LRRK2: variants seen among roughly 807,000 people sequenced by gnomAD.
LRRK2 encodes the protein leucine-rich repeat serine/threonine-protein kinase 2.
In LRRK2, 203 loss-of-function variants were observed where a neutral mutation model predicts 302.6. That is an observed-to-expected ratio of 0.67 (90% confidence interval 0.60 to 0.75). The LOEUF (loss-of-function observed/expected upper bound fraction) is 0.75. Ranked by LOEUF, LRRK2 falls within the 30% of genes least tolerant of loss-of-function variation. The probability of loss-of-function intolerance (pLI) is 0.00; values close to 1 mark genes in which losing one functional copy is unlikely to be tolerated. For missense variants in LRRK2, 2,830 were observed against 2,951.0 expected (o/e 0.96, Z 0.95); for synonymous variants, 1,066 against 1,031.9 (o/e 1.03, Z -0.63).
chr12:40,277,097 T>A (rs1368964427), intron 16 of LRRK2, among the ~76,000 whole-genome samples: 1 of 152,176 alleles, frequency 6.6e-6, no homozygotes, highest in Non-Finnish European at 1.5e-5. Context: ...AGTGCTGAGA[T>A]TACAGGTGTG....
In LRRK2 at chr12:40,295,033, A is replaced by G. The variant is rs1313601216; in HGVS notation, c.2878+119A>G. ...GCCAGTTTCATCTTACATAATCTTC[A>G]TATATATTTACCTAATGATTCCTTC... On this transcript the variant is annotated intron_variant, in intron 22 of 50. Coordinates refer to ENST00000298910, the MANE Select transcript of LRRK2 (RefSeq NM_198578.4). 6 of 660,282 alleles carry G rather than the reference A, an allele frequency of 9.1e-6. No individual in the cohort carries two copies. In the East Asian group the frequency reaches 1.3e-4, roughly 15 times the overall value. 40.9% of individuals were successfully genotyped at this position (660,282 alleles called of 1,614,324 possible).
At chr12:40,353,216 AC>A (rs1946417708) in intron 44 of LRRK2, among the ~76,000 whole-genome samples, 1 of 137,202 alleles carries the variant, frequency 7.3e-6, no homozygotes, top group Non-Finnish European at 1.6e-5. Flanking sequence ...GGGGCTCCTC[AC>A]TTCTCAGACG....
At chr12:40,289,590 C>T (rs1020123794) in intron 20 of LRRK2, among the ~76,000 whole-genome samples, 1 of 149,402 alleles carries the variant, frequency 6.7e-6, no homozygotes, top group East Asian at 1.9e-4. Context: ...TTTGAGGGAA[C>T]TAATATATTA....
chr12:40,333,564 G>A (rs772698927), intron 39 of LRRK2, among the ~76,000 whole-genome samples: 10 of 152,092 alleles, frequency 6.6e-5, no homozygotes, highest in Non-Finnish European at 1.2e-4. Flanking sequence ...GGGCCACAGA[G>A]AGGGTTGTTG....
At chr12:40,361,977 G>A (rs374206083) in intron 47 of LRRK2, among the ~76,000 whole-genome samples, 4 of 151,952 alleles carry the variant, frequency 2.6e-5, no homozygotes, top group South Asian at 4.1e-4. Context: ...GTCCTAGGTC[G>A]GCAAGCATGA....
intron 5 of LRRK2, among the ~76,000 whole-genome samples, 168 bp downstream of exon 5, chr12:40,238,271 G>A (rs2136423047): frequency 6.6e-6 from 1 of 152,280 alleles, no homozygotes; most frequent in South Asian, 2.1e-4. Context: ...CAGAAGTATT[G>A]CTTGTTTTGG....
At chr12:40,333,775 A>G (rs1419066872) in intron 39 of LRRK2, among the ~76,000 whole-genome samples, 1 of 152,104 alleles carries the variant, frequency 6.6e-6, no homozygotes, top group East Asian at 2.0e-4. Context: ...TATTTGAGAT[A>G]AGATCTGAAT....
In LRRK2 at chr12:40,234,369, C is replaced by CTTTTTTT. The variant is rs35906443; in HGVS notation, c.348-1234_348-1228dup. 7.0e-5 allele frequency among the ~76,000 whole-genome samples: 3 copies of CTTTTTTT among 43,040 alleles called. 1 individual carries two copies. Among genetic ancestry groups the CTTTTTTT allele is most frequent in the African/African-American group, 1.9e-4 (2 of 10,518 alleles). The allele number at this position is 43,040 out of a possible 152,430, so 28.2% of individuals were successfully genotyped here. On this transcript the variant is annotated intron_variant, in intron 3 of 50. Coordinates refer to ENST00000298910, the MANE Select transcript of LRRK2 (RefSeq NM_198578.4). The stretch of plus-strand genomic sequence containing the variant: ...AAACATTATTGATATGCTAAATTCA[C>CTTTTTTT]TTTTTTTTTTTTTTTTTTTTTTTTT...
Position 40,308,543 on chromosome 12 carries a change from G to C in LRRK2, c.4036G>C (p.Gly1346Arg). The change falls in exon 29 of 51, where the codon GGT (glycine) becomes CGT (arginine). Residue 1346 changes from glycine (G) to arginine (R), a missense_variant. By Grantham distance (125) the Gly-to-Arg change is moderately radical (BLOSUM62 -2). This residue lies in a region of LRRK2 where 2,121 missense variants were observed against 2,148.0 expected (regional missense o/e 0.99). Transcript: ENST00000298910. ...KLMIVGNTGSGKTTLLQQLMK... is the reference protein window; with the variant it reads ...KLMIVGNTGSRKTTLLQQLMK... ...TATGATTGTGGGAAATACTGGGAGT[G>C]GTAAAACCACCTTATTGCAGCAATT... 3 of 1,613,918 alleles carry C rather than the reference G, an allele frequency of 1.9e-6. No individual in the cohort carries two copies. Among genetic ancestry groups the C allele is most frequent in the Non-Finnish European group, 2.5e-6 (3 of 1,179,940 alleles).
Position 40,257,349 on chromosome 12 carries a change from A to G in LRRK2, c.1390A>G (p.Lys464Glu). 6.2e-7 allele frequency: 1 copy of G among 1,612,966 alleles called. No individual in the cohort carries two copies. Among genetic ancestry groups the G allele is most frequent in the Non-Finnish European group, 8.5e-7 (1 of 1,179,236 alleles). Residue 464 changes from lysine (K) to glutamate (E), a missense_variant, in exon 12 of 51, where the codon AAA (lysine) becomes GAA (glutamate). Physicochemically the swap from Lys to Glu is moderately conservative, Grantham distance 56 (BLOSUM62 1). Coordinates refer to ENST00000298910, the MANE Select transcript of LRRK2 (RefSeq NM_198578.4). Reference sequence around the variant, plus strand: ...TCCTGAAGTGGCTGAAAGTGGCTGTAAAATGCTAAATCATCTTTTTGAAGG... The same window carrying G: ...TCCTGAAGTGGCTGAAAGTGGCTGTGAAATGCTAAATCATCTTTTTGAAGG... Reference protein sequence around the residue: ...HSPEVAESGCKMLNHLFEGSN... With the variant: ...HSPEVAESGCEMLNHLFEGSN...
At position 40,228,716 on chromosome 12, in the gene LRRK2, A is replaced by G. The variant is rs139549606; in HGVS notation, c.237+3076A>G. ...CATTTCCCCAGTGTTTTCTTCTAGT[A>G]GTTGCATATTTTCAGGTCTGAGATG... is the stretch of plus-strand genomic sequence containing the variant. On this transcript the variant is annotated intron_variant, in intron 2 of 50. Transcript: ENST00000298910. Among the ~76,000 whole-genome samples, 364 of 152,174 alleles carry G rather than the reference A, an allele frequency of 2.4e-3. 1 individual carries two copies. The highest frequency in any genetic ancestry group is 3.5e-3 in the Non-Finnish European group (235 of 67,996).
At chr12:40,278,358 T>G (rs972983602) in intron 18 of LRRK2, 97 bp downstream of exon 18, 2 of 1,439,584 alleles carry the variant, frequency 1.4e-6, no homozygotes, top group African/African-American at 2.8e-5. Context: ...CATATTATTC[T>G]TCACTACAGA....
chr12:40,264,765 C>G (rs920633049), intron 14 of LRRK2, among the ~76,000 whole-genome samples: 1 of 152,070 alleles, frequency 6.6e-6, no homozygotes, highest in Non-Finnish European at 1.5e-5. Flanking sequence ...ATCCATGTTC[C>G]TACATTATAA....
At chr12:40,333,336 C>A (rs906656813) in intron 39 of LRRK2, among the ~76,000 whole-genome samples, 1 of 152,162 alleles carries the variant, frequency 6.6e-6, no homozygotes, top group African/African-American at 2.4e-5. Flanking sequence ...CCTGATAAAT[C>A]AGTGGGCGCC....
rs760675290 is a variant in LRRK2 at position 40,225,304 on chromosome 12, G to C, written c.151+22G>C. 3.1e-6 allele frequency: 5 copies of C among 1,613,156 alleles called. No individual in the cohort carries two copies. The South Asian group carries it at 3.3e-5, about 11-fold the overall frequency. On this transcript the variant is annotated intron_variant, in intron 1 of 50. Coordinates refer to ENST00000298910, the MANE Select transcript of LRRK2 (RefSeq NM_198578.4). ...CGCGGTAATCACTTGAAAATAAACT[G>C]TGCTTTTATTTTTGCAAACTTTCTC...
chr12:40,306,223 C>A (rs1025739834), intron 28 of LRRK2, among the ~76,000 whole-genome samples: 1 of 152,018 alleles, frequency 6.6e-6, no homozygotes, highest in Non-Finnish European at 1.5e-5. Context: ...GTGGAGTAGA[C>A]TCTAAAAGAA....
chr12:40,327,652 G>T (rs1382193256), intron 38 of LRRK2, among the ~76,000 whole-genome samples: 1 of 152,146 alleles, frequency 6.6e-6, no homozygotes, highest in Non-Finnish European at 1.5e-5. Context: ...AATCAAAGTG[G>T]AATGATAGGA....
chr12:40,320,750 T>C (rs1354058984), intron 34 of LRRK2, among the ~76,000 whole-genome samples: 2 of 152,030 alleles, frequency 1.3e-5, no homozygotes, highest in African/African-American at 4.8e-5. Flanking sequence ...TCAGGATTTA[T>C]ATAAGATTAC....
chr12:40,259,533 T>C lies in LRRK2; in HGVS notation c.1472T>C (p.Met491Thr). 6.2e-7 allele frequency: 1 copy of C among 1,613,428 alleles called. No individual in the cohort carries two copies. ...GTGGTCCCCAAAATACTAACAGTTA[T>C]GAAACGTCATGAGACATCATTACCA... ...AAVVPKILTVMKRHETSLPVQ... is the reference protein window; with the variant it reads ...AAVVPKILTVTKRHETSLPVQ... The change falls in exon 13 of 51, where the codon ATG becomes ACG. Residue 491 changes from methionine (M) to threonine (T), a missense_variant. Met to Thr is a moderately conservative substitution (Grantham distance 81, BLOSUM62 -1). Transcript: ENST00000298910.
Sources: gnomAD v4.1 joint callset for allele counts (sites outside exome capture counted in the v4.1 genomes callset) on GRCh38, gnomAD v4.1.1 for gene constraint, gnomAD v4.1.1 regional missense constraint, MANE v1.5 for transcripts, NCBI Gene and HGNC (gene_info 2026-07-23, HGNC 2026-07-21) for gene names.